The following MAGEB16 variants were observed in gnomAD, a reference collection of about 807,000 sequenced individuals.
The protein encoded by MAGEB16 is melanoma-associated antigen B16.
For missense variants in MAGEB16, 217 were observed against 234.0 expected (o/e 0.93, Z 0.47); for synonymous variants, 95 against 92.1 (o/e 1.03, Z -0.18).
intron 1 of MAGEB16, chrX:35,800,705 G>A (rs186174315): frequency 2.2e-6 from 1 of 461,510 alleles, no homozygotes; most frequent in Non-Finnish European, 3.9e-6. Context: ...CTTATTTCCT[G>A]TTCAGTGAAC....
chrX:35,802,318 C>A (rs187979936), exon 2 of MAGEB16: 1 of 1,208,367 alleles, frequency 8.3e-7, no homozygotes, highest in Non-Finnish European at 1.1e-6. Flanking sequence ...CTCCTCTCCT[C>A]CTCCCATCCT....
intron 1 of MAGEB16, among the ~76,000 whole-genome samples, chrX:35,801,162 G>A (rs1436988258): frequency 9.0e-6 from 1 of 111,731 alleles, no homozygotes; most frequent in Non-Finnish European, 1.9e-5. Flanking sequence ...GCCGGGGCCT[G>A]TGAAAAGTCA....
intron 1 of MAGEB16, among the ~76,000 whole-genome samples, chrX:35,799,104 G>A (rs1195122860): frequency 9.6e-6 from 1 of 103,889 alleles, no homozygotes; most frequent in Non-Finnish European, 2.0e-5. Flanking sequence ...GGATGGTCTC[G>A]ATCTCCTGAC....
chrX:35,802,179 C>A (rs1717247779), exon 2 of MAGEB16: 2 of 1,210,544 alleles, frequency 1.7e-6, no homozygotes, highest in Non-Finnish European at 2.2e-6. Flanking sequence ...CTGCCTACTG[C>A]CACCCACAAG....
chrX:35,802,137 A>G (rs886231568), exon 2 of MAGEB16: 3 of 1,191,987 alleles, frequency 2.5e-6, no homozygotes, highest in Non-Finnish European at 3.4e-6. Flanking sequence ...TTAGGCAGTG[A>G]TTCTTCATTG....
chrX:35,802,008 A>G, intron 1 of MAGEB16, 123 bp from the exon 2 acceptor site: 1 of 474,616 alleles, frequency 2.1e-6, no homozygotes. Flanking sequence ...AAAACACAAT[A>G]TCAGATCTGT....
exon 2 of MAGEB16, chrX:35,802,663 T>A (rs1934874810): frequency 8.3e-7 from 1 of 1,209,382 alleles, no homozygotes; most frequent in African/African-American, 1.8e-5. Context: ...GAGATCCTCC[T>A]GAGAGCTTCT....
At chrX:35,800,366 A>G (rs1157143560) in intron 1 of MAGEB16, among the ~76,000 whole-genome samples, 5 of 111,249 alleles carry the variant, frequency 4.5e-5, no homozygotes, top group African/African-American at 1.6e-4. Context: ...AGTGAGTGTC[A>G]TGGTCTGAAT....
chrX:35,803,002 A>T, exon 2 of MAGEB16: 1 of 1,211,976 alleles, frequency 8.3e-7, no homozygotes, highest in Non-Finnish European at 1.1e-6. Context: ...GCCAACAGTG[A>T]TCCTGCACGA....
chrX:35,802,564 T>G, exon 2 of MAGEB16: 1 of 1,211,818 alleles, frequency 8.3e-7, no homozygotes, highest in African/African-American at 1.7e-5. Context: ...TTGGTGAATT[T>G]CATGCTGCAC....
At chrX:35,803,478 T>G (rs1362851756) in exon 2 of MAGEB16, 2 of 217,233 alleles carry the variant, frequency 9.2e-6, no homozygotes, top group Non-Finnish European at 1.8e-5. Context: ...ATAATATTGG[T>G]CATCCATTTA....
intron 1 of MAGEB16, among the ~76,000 whole-genome samples, chrX:35,801,658 C>T (rs1234743638): frequency 8.9e-6 from 1 of 112,410 alleles, no homozygotes; most frequent in Non-Finnish European, 1.9e-5. Flanking sequence ...AGGGGACTAC[C>T]CATACCATTA....
In MAGEB16 at chrX:35,800,543, G is replaced by T. The variant is rs1434545812; in HGVS notation, c.-66-1588G>T. 12 of 522,886 alleles carry T rather than the reference G, an allele frequency of 2.3e-5. No homozygotes were observed. The East Asian group carries it at 4.0e-4, about 17-fold the overall frequency. 43.1% of individuals were successfully genotyped at this position (522,886 alleles called of 1,213,427 possible). A position where few individuals can be genotyped will look rare whatever the true frequency, so the allele number is the denominator to read the frequency against. The stretch of plus-strand genomic sequence containing the variant: ...AGTGGCATTAGCTATCAGAAGATGG[G>T]GACTGAAGCCCAACCAGTAGTCAAA... On this transcript the variant is annotated intron_variant, in intron 1 of 1. Coordinates refer to ENST00000399988, the Ensembl canonical transcript of MAGEB16.
exon 2 of MAGEB16, chrX:35,802,432 C>T (rs775163062): frequency 8.3e-7 from 1 of 1,209,271 alleles, no homozygotes; most frequent in East Asian, 3.0e-5. Flanking sequence ...ACAACCACCT[C>T]ATCAAGTGAA....
At chrX:35,801,874 C>T (rs777779993) in intron 1 of MAGEB16, among the ~76,000 whole-genome samples, 26 of 112,573 alleles carry the variant, frequency 2.3e-4, no homozygotes, top group Non-Finnish European at 3.6e-4. Context: ...CTCCTCAGAA[C>T]AAAAGGAGCT....
At chrX:35,802,079 C>A (rs996516547) in intron 1 of MAGEB16, 52 bp from the exon 2 acceptor site, 6 of 932,845 alleles carry the variant, frequency 6.4e-6, no homozygotes, top group Non-Finnish European at 8.9e-6. Flanking sequence ...TCAGAGCTAC[C>A]GCAGTTGAGT....
At chrX:35,800,344 G>A (rs971219294) in intron 1 of MAGEB16, among the ~76,000 whole-genome samples, 12 of 111,107 alleles carry the variant, frequency 1.1e-4, no homozygotes, top group South Asian at 7.7e-4. Context: ...TTCATCTTCA[G>A]GGGTCTCAGG....
intron 1 of MAGEB16, chrX:35,800,629 A>T: frequency 1.9e-6 from 1 of 520,225 alleles, no homozygotes; most frequent in Middle Eastern, 3.8e-4. Context: ...GACAGAACGT[A>T]GCCCTGCTTA....
chrX:35,803,124 G>A (rs754351306), exon 2 of MAGEB16: 1 of 1,199,123 alleles, frequency 8.3e-7, no homozygotes, highest in East Asian at 3.0e-5. Flanking sequence ...ATCTCAGTAT[G>A]CGGAAGCTCT....
Sources: gnomAD v4.1 joint callset for allele counts (sites outside exome capture counted in the v4.1 genomes callset) on GRCh38, gnomAD v4.1.1 for gene constraint, MANE v1.5 for transcripts, NCBI Gene and HGNC (gene_info 2026-07-23, HGNC 2026-07-21) for gene names.